The following NT5DC3 variants were observed in gnomAD, a reference collection of about 807,000 sequenced individuals.
NT5DC3 encodes 5'-nucleotidase domain containing 3.
Under a neutral mutation model 67.8 loss-of-function variants are expected in NT5DC3, and 42 were observed. The ratio of observed to expected loss-of-function variants is 0.62; its 90% CI spans 0.48 to 0.80. The LOEUF is 0.80. Among genes scored for constraint, NT5DC3 ranks in the 30% least tolerant of loss-of-function variants. The pLI is 0.00. For synonymous variants in NT5DC3, 237 were observed against 255.6 expected (o/e 0.93, Z 0.69); for missense variants, 570 against 696.4 (o/e 0.82, Z 2.04).
At chr12:103,786,811 T>C (rs1885802861) in intron 11 of NT5DC3, among the ~76,000 whole-genome samples, 1 of 151,680 alleles carries the variant, frequency 6.6e-6, no homozygotes, top group African/African-American at 2.4e-5. Flanking sequence ...GCCTCCCCAG[T>C]AGCTGGGATT....
rs1462299660 is a variant in NT5DC3, at chr12:103,836,309, AAGTCCCT to A, written c.208+4633_208+4639del. ...TCCAAAGTCTCATCTAAGACAAGAT[AAGTCCCT>A]TCCGCCTATGAGCCTGTAAAATCAA... is the stretch of plus-strand genomic sequence containing the variant. On this transcript the variant is annotated intron_variant, in intron 1 of 13. Transcript: ENST00000392876. Among the ~76,000 whole-genome samples the A allele has an allele frequency of 2.6e-5, 4 of 152,336 alleles. No homozygotes were observed. In the East Asian group the frequency reaches 7.7e-4, roughly 29 times the overall value.
At chr12:103,800,175 T>A (rs1183526065) in intron 4 of NT5DC3, among the ~76,000 whole-genome samples, 1 of 152,202 alleles carries the variant, frequency 6.6e-6, no homozygotes, top group Non-Finnish European at 1.5e-5. Flanking sequence ...AACAAAAAGA[T>A]CACTTCAACC....
At chr12:103,752,356 T>TA in the NT5DC3 span, among the ~76,000 whole-genome samples, 18 of 152,336 alleles carry the variant, frequency 1.2e-4, no homozygotes, top group East Asian at 2.9e-3. Context: ...TCATTTGACT[T>TA]ACGCACTGTG....
chr12:103,796,375 G>A (rs11111788), intron 6 of NT5DC3, among the ~76,000 whole-genome samples: 41,543 of 152,116 alleles, frequency 0.27, 6,197 homozygotes, highest in East Asian at 0.61. Flanking sequence ...AAATTAGCCA[G>A]GCGTGGTGGC....
At position 103,838,333 on chromosome 12, in the gene NT5DC3, G is replaced by A. The variant is rs117223488; in HGVS notation, c.208+2616C>T. 1.6e-3 allele frequency among the ~76,000 whole-genome samples: 247 copies of A among 152,226 alleles called. 5 individuals are homozygous for A. In the East Asian group the frequency reaches 0.04, roughly 25 times the overall value. ...ATCCCATGCTTCAGCTGTCTCATGC[G>A]CCAGGCACTGTCCTAAATGCCTTTC... On this transcript the variant is annotated intron_variant, in intron 1 of 13. Transcript: ENST00000392876.
chr12:103,778,168 T>TA (rs112481254), intron 13 of NT5DC3, 87 bp from the exon 14 acceptor site: 1 of 1,263,418 alleles, frequency 7.9e-7, no homozygotes, highest in Non-Finnish European at 1.0e-6. Flanking sequence ...CACTTCTTTT[T>TA]TTAAAAAAAA....
the NT5DC3 span, among the ~76,000 whole-genome samples, chr12:103,748,011 AAAAG>A: frequency 6.6e-6 from 1 of 151,782 alleles, no homozygotes; most frequent in African/African-American, 2.4e-5. Flanking sequence ...AAAAAAAAAA[AAAAG>A]GGAAGAAGAA....
chr12:103,793,508 C>G lies in NT5DC3; in HGVS notation c.819G>C (p.Lys273Asn), dbSNP rs776919715. The G allele has an allele frequency of 1.2e-6, 2 of 1,611,212 alleles. No individual in the cohort carries two copies. The highest frequency in any genetic ancestry group is 1.7e-6 in the Non-Finnish European group (2 of 1,177,742). The change falls in exon 8 of 14, where the codon AAG becomes AAC. Residue 273 changes from lysine (K) to asparagine (N), a missense_variant. Transcript: ENST00000392876. ...GGGTCTGCTCAGCATAGCAGATGTACTTTTCTAAGAGCAAGAGAAAAATTC... is the reference window on the plus strand; with the variant it reads ...GGGTCTGCTCAGCATAGCAGATGTAGTTTTCTAAGAGCAAGAGAAAAATTC... ...MYRAIEADIE[K>N]YICYAEQTRA...
rs1156381552 is a variant in NT5DC3, at chr12:103,774,757, C to G, written c.*3072G>C. On this transcript the variant is annotated 3_prime_UTR_variant, in exon 14 of 14. Transcript: ENST00000392876. ...CATGACAGTGGCTCACACCCAGAATCCCAGCACTTTGGAAGGCTGAGGTGG... is the reference window on the plus strand; with the variant it reads ...CATGACAGTGGCTCACACCCAGAATGCCAGCACTTTGGAAGGCTGAGGTGG... 6.7e-6 allele frequency: 1 copy of G among 149,778 alleles called. No homozygotes were observed. Among genetic ancestry groups the G allele is most frequent in the Non-Finnish European group, 1.5e-5 (1 of 67,696 alleles). The allele number at this position is 149,778 out of a possible 1,614,324, so 9.3% of individuals were successfully genotyped here.
intron 1 of NT5DC3, among the ~76,000 whole-genome samples, chr12:103,833,067 T>C (rs1285337018): frequency 2.0e-5 from 3 of 152,212 alleles, no homozygotes; most frequent in Non-Finnish European, 4.4e-5. Context: ...TCAACATATG[T>C]TCTTATTAGG....
intron 12 of NT5DC3, among the ~76,000 whole-genome samples, 192 bp from the exon 13 acceptor site, chr12:103,780,556 T>C (rs1028014665): frequency 4.6e-5 from 7 of 152,220 alleles, no homozygotes; most frequent in Non-Finnish European, 1.0e-4. Context: ...GAATAAAAAA[T>C]TGTTTTAAAT....
chr12:103,754,679 G>A, the NT5DC3 span, among the ~76,000 whole-genome samples: 101 of 152,238 alleles, frequency 6.6e-4, no homozygotes, highest in African/African-American at 2.3e-3. Context: ...GCCAGGCGTG[G>A]TGACTCACGC....
At chr12:103,784,043 A>G (rs1293572983) in intron 12 of NT5DC3, among the ~76,000 whole-genome samples, 1 of 152,192 alleles carries the variant, frequency 6.6e-6, no homozygotes, top group Non-Finnish European at 1.5e-5. Context: ...CTAACCTCTC[A>G]AAAACTGTTT....
chr12:103,796,787 G>T (rs1262281324), intron 6 of NT5DC3, 107 bp downstream of exon 6: 2 of 1,115,120 alleles, frequency 1.8e-6, no homozygotes, highest in Non-Finnish European at 1.3e-6. Flanking sequence ...TCCCAGCTAA[G>T]AGACTATTTA....
At chr12:103,788,153 G>A (rs1188918597) in intron 10 of NT5DC3, among the ~76,000 whole-genome samples, 3 of 152,158 alleles carry the variant, frequency 2.0e-5, no homozygotes, top group Non-Finnish European at 2.9e-5. Flanking sequence ...TATTAGAACT[G>A]TGCACAGGCT....
In NT5DC3 at chr12:103,841,057, G is replaced by A; in HGVS notation, c.100C>T (p.Arg34Trp). 1 of 1,259,034 alleles carries A rather than the reference G, an allele frequency of 7.9e-7. No homozygotes were observed. 78.0% of individuals were successfully genotyped at this position (1,259,034 alleles called of 1,614,324 possible). Reference sequence around the variant, plus strand: ...GGCCGGGCGGGGCCCGCACACGGCCGCCCCCGAGCCGCGGTCCCGCAGCCA... The same window carrying A: ...GGCCGGGCGGGGCCCGCACACGGCCACCCCCGAGCCGCGGTCCCGCAGCCA... Reference protein sequence around the residue: ...RGGCGTAARGRPCAGPARPLC... With the variant: ...RGGCGTAARGWPCAGPARPLC... Residue 34 changes from arginine to tryptophan, a missense_variant, in exon 1 of 14, where the codon CGG becomes TGG. Physicochemically the swap from Arg to Trp is moderately radical, Grantham distance 101. Coordinates refer to ENST00000392876, the MANE Select transcript of NT5DC3 (RefSeq NM_001031701.3).
chr12:103,840,854 G>A, intron 1 of NT5DC3, 95 bp downstream of exon 1: 6 of 579,194 alleles, frequency 1.0e-5, no homozygotes, highest in South Asian at 6.2e-5. Flanking sequence ...CTGGAGGTCC[G>A]CAGCTGGGCT....
intron 7 of NT5DC3, 32 bp from the exon 8 acceptor site, chr12:103,793,544 T>G (rs201750072): frequency 7.0e-5 from 104 of 1,476,076 alleles, no homozygotes; most frequent in Admixed American, 1.3e-4. Context: ...ACACACAGAT[T>G]CAGCATGATA....
rs763499799 is a variant in NT5DC3 at position 103,787,513 on chromosome 12, T to A, written c.1116A>T (p.Glu372Asp). 6.3e-7 allele frequency: 1 copy of A among 1,589,326 alleles called. No individual in the cohort carries two copies. The highest frequency in any genetic ancestry group is 1.3e-5 in the African/African-American group (1 of 74,486). Reference protein sequence around the residue: ...GQIYKQGNLYEFLKLTGWRGS... With the variant: ...GQIYKQGNLYDFLKLTGWRGS... The stretch of plus-strand genomic sequence containing the variant: ...CTCTCCATCCAGTAAGCTTCAAAAA[T>A]TCATATAAATTACCCTGTAATCAGA... The change falls in exon 11 of 14, where the codon GAA becomes GAT. Residue 372 changes from glutamate (E) to aspartate (D), a missense_variant. By Grantham distance (45) the Glu-to-Asp change is conservative (BLOSUM62 2). This residue lies in a region of NT5DC3 where 466 missense variants were observed against 608.0 expected (regional missense o/e 0.77). Transcript: ENST00000392876.
Sources: allele counts gnomAD v4.1 joint callset (sites outside exome capture counted in the v4.1 genomes callset), GRCh38; gene constraint gnomAD v4.1.1; regional missense constraint gnomAD v4.1.1; transcripts MANE v1.5; gene names NCBI Gene and HGNC (gene_info 2026-07-23, HGNC 2026-07-21).